Variants in TAFA2 observed in about 807,000 individuals in gnomAD.
TAFA2 encodes the protein TAFA chemokine like family member 2.
Under a neutral mutation model 18.8 loss-of-function variants are expected in TAFA2, and 7 were observed. The observed-to-expected ratio is 0.37, with a 90% confidence interval of 0.21 to 0.70. TAFA2 has a LOEUF of 0.70. Among genes scored for constraint, TAFA2 ranks in the 30% least tolerant of loss-of-function variants. The pLI, the probability that TAFA2 is intolerant of heterozygous loss-of-function variation, is 0.53. For synonymous variants in TAFA2, 60 were observed against 54.2 expected, an observed-to-expected ratio of 1.11 and a Z score of -0.47; for missense variants, 122 against 158.1, an observed-to-expected ratio of 0.77 and a Z score of 1.23.
chr12:62,230,203 A>G (rs2062806360), intron 1 of TAFA2, among the ~76,000 whole-genome samples: 1 of 148,404 alleles, frequency 6.7e-6, no homozygotes, highest in Non-Finnish European at 1.5e-5. Flanking sequence ...TATCAATTGT[A>G]TTTTATTTCT....
chr12:62,127,256 G>A (rs1280586236), intron 1 of TAFA2, among the ~76,000 whole-genome samples: 1 of 151,900 alleles, frequency 6.6e-6, no homozygotes, highest in Non-Finnish European at 1.5e-5. Flanking sequence ...TTAGAAAACG[G>A]GTCAGAAGGA....
intron 1 of TAFA2, among the ~76,000 whole-genome samples, chr12:62,019,952 A>G (rs1242795124): frequency 6.6e-6 from 1 of 152,198 alleles, no homozygotes; most frequent in African/African-American, 2.4e-5. Context: ...TTTTAGTTTT[A>G]TGCATTTCAA....
chr12:62,094,443 C>T (rs977692947), intron 1 of TAFA2, among the ~76,000 whole-genome samples: 7 of 151,862 alleles, frequency 4.6e-5, no homozygotes, highest in East Asian at 1.9e-4. Context: ...GAAGAACTTA[C>T]GCATGTAACC....
intron 1 of TAFA2, among the ~76,000 whole-genome samples, chr12:62,001,719 C>A (rs929914002): frequency 3.3e-5 from 5 of 152,130 alleles, no homozygotes; most frequent in African/African-American, 1.2e-4. Flanking sequence ...CAGTTCCTAA[C>A]AGGCCACAGA....
At position 62,152,864 on chromosome 12, in the gene TAFA2, G is replaced by GC. The variant is rs1302337132; in HGVS notation, c.-2+38394dup. 4.6e-5 allele frequency among the ~76,000 whole-genome samples: 7 copies of GC among 152,264 alleles called. No homozygotes were observed. The East Asian group carries it at 1.4e-3, about 29-fold the overall frequency. ...TAACCAATCTCCACGAATGTGTTGA[G>GC]CCCTTGCTATAGGACAAAAAGCTGC... On this transcript the variant is annotated intron_variant, in intron 1 of 4. Coordinates refer to ENST00000416284, the MANE Select transcript of TAFA2 (RefSeq NM_178539.5).
At chr12:62,036,777 C>T (rs348683) in intron 1 of TAFA2, among the ~76,000 whole-genome samples, 125,792 of 152,214 alleles carry the variant, frequency 0.83, 52,166 homozygotes, top group Middle Eastern at 0.88. Flanking sequence ...AAAGCAGATA[C>T]CAAATACTGA....
At chr12:62,179,955 C>A (rs562547706) in intron 1 of TAFA2, among the ~76,000 whole-genome samples, 2 of 152,270 alleles carry the variant, frequency 1.3e-5, no homozygotes, top group South Asian at 4.1e-4. Flanking sequence ...GAACTTGATG[C>A]AGATTTCATA....
At chr12:61,968,684 A>G (rs1879147617) in intron 1 of TAFA2, among the ~76,000 whole-genome samples, 1 of 151,806 alleles carries the variant, frequency 6.6e-6, no homozygotes, top group Non-Finnish European at 1.5e-5. Context: ...CATTTTTCAC[A>G]CATTATCTTA....
intron 1 of TAFA2, among the ~76,000 whole-genome samples, chr12:62,139,274 G>T (rs973841371): frequency 7.2e-5 from 11 of 152,066 alleles, no homozygotes; most frequent in Non-Finnish European, 1.2e-4. Context: ...TCACAAACAG[G>T]GCTTCCAGCA....
At chr12:62,002,309 T>C (rs1203636146) in intron 1 of TAFA2, among the ~76,000 whole-genome samples, 1 of 152,208 alleles carries the variant, frequency 6.6e-6, no homozygotes, top group Non-Finnish European at 1.5e-5. Flanking sequence ...TAGTTTCTCC[T>C]TTCCTTACAA....
At chr12:62,146,497 C>A (rs1329775611) in intron 1 of TAFA2, among the ~76,000 whole-genome samples, 6 of 151,860 alleles carry the variant, frequency 4.0e-5, no homozygotes, top group Admixed American at 3.9e-4. Flanking sequence ...GCCTAGGCTG[C>A]CACTTCTCCT....
At chr12:62,246,892 G>T (rs942661222) in intron 1 of TAFA2, among the ~76,000 whole-genome samples, 1 of 151,868 alleles carries the variant, frequency 6.6e-6, no homozygotes, top group African/African-American at 2.4e-5. Flanking sequence ...CTGTCTTTAA[G>T]ATGCCTCTTA....
intron 1 of TAFA2, among the ~76,000 whole-genome samples, chr12:62,038,681 A>G (rs1881676242): frequency 2.0e-5 from 3 of 152,102 alleles, no homozygotes; most frequent in Admixed American, 1.3e-4. Context: ...AAACCCCTAG[A>G]CATACAAAAA....
intron 4 of TAFA2, among the ~76,000 whole-genome samples, chr12:61,731,085 G>A (rs1465054074): frequency 6.6e-6 from 1 of 152,036 alleles, no homozygotes; most frequent in Admixed American, 6.6e-5. Context: ...GGCTTCCCTG[G>A]GGACTGGGAG....
chr12:61,993,200 C>T (rs571217744), intron 1 of TAFA2, among the ~76,000 whole-genome samples: 2 of 152,306 alleles, frequency 1.3e-5, no homozygotes, highest in South Asian at 4.1e-4. Context: ...CCTTCTAACT[C>T]TAAATCTCAG....
intron 1 of TAFA2, among the ~76,000 whole-genome samples, chr12:62,185,997 T>A (rs2062583361): frequency 6.6e-6 from 1 of 152,180 alleles, no homozygotes; most frequent in Non-Finnish European, 1.5e-5. Context: ...ATCTGTCTCC[T>A]CATAGCCCAG....
chr12:61,909,563 C>A (rs1054366675), intron 1 of TAFA2, among the ~76,000 whole-genome samples: 3 of 152,050 alleles, frequency 2.0e-5, no homozygotes, highest in Non-Finnish European at 4.4e-5. Context: ...AAGACTGAGT[C>A]GTGAGATGTG....
chr12:61,794,664 T>A (rs1474899116), intron 2 of TAFA2, among the ~76,000 whole-genome samples: 2 of 151,952 alleles, frequency 1.3e-5, no homozygotes, highest in Non-Finnish European at 2.9e-5. Flanking sequence ...TAGAATATTA[T>A]AAGCAGCCAC....
chr12:61,753,088 T>C (rs1869095600), intron 4 of TAFA2, among the ~76,000 whole-genome samples: 1 of 151,934 alleles, frequency 6.6e-6, no homozygotes, highest in Non-Finnish European at 1.5e-5. Flanking sequence ...TTTGTATTGA[T>C]CTTGAGAATC....
Sources: allele counts gnomAD v4.1 joint callset (sites outside exome capture counted in the v4.1 genomes callset), GRCh38; gene constraint gnomAD v4.1.1; transcripts MANE v1.5; gene names NCBI Gene and HGNC (gene_info 2026-07-23, HGNC 2026-07-21).